The following PCDHGA4 variants were observed in gnomAD, a reference collection of about 807,000 sequenced individuals.
The protein encoded by PCDHGA4 is protocadherin gamma-A4.
Under a neutral mutation model 54.6 loss-of-function variants are expected in PCDHGA4, and 38 were observed. That is an observed-to-expected ratio of 0.70 (90% CI 0.54 to 0.91). The LOEUF is 0.91. PCDHGA4 is among the 40% of genes least tolerant of loss of function. The probability of loss-of-function intolerance (pLI) is 0.00; values close to 1 mark genes in which losing one functional copy is unlikely to be tolerated. For synonymous variants in PCDHGA4, 511 were observed against 512.9 expected (o/e 1.00, Z 0.05); for missense variants, 1,298 against 1,220.9 (o/e 1.06, Z -0.94).
At chr5:141,371,032 C>T (rs547337082) in intron 1 of PCDHGA4, 1 of 1,614,002 alleles carries the variant, frequency 6.2e-7, no homozygotes, top group Admixed American at 1.7e-5. Context: ...CTGGTCCTCA[C>T]AGCTGTGGAT....
intron 1 of PCDHGA4, among the ~76,000 whole-genome samples, chr5:141,482,329 T>C (rs1334833454): frequency 6.6e-6 from 1 of 152,160 alleles, no homozygotes; most frequent in Non-Finnish European, 1.5e-5. Context: ...ATAAAGAGAA[T>C]ATCTACTTTG....
rs771459458 is a variant in PCDHGA4 at position 141,394,997 on chromosome 5, C to A, written c.2514+37376C>A. On this transcript the variant is annotated intron_variant, in intron 1 of 3. Coordinates refer to ENST00000571252, the MANE Select transcript of PCDHGA4 (RefSeq NM_018917.4). The stretch of plus-strand genomic sequence containing the variant: ...ACAAGTCACGCCTGCTCCAGGATTC[C>A]GGTGGCAGATTGGTAGGCGTGCCTG... 4 of 1,614,016 alleles carry A rather than the reference C, an allele frequency of 2.5e-6. No individual in the cohort carries two copies. In the South Asian group the frequency reaches 3.3e-5, roughly 13 times the overall value.
intron 1 of PCDHGA4, chr5:141,442,419 T>TG (rs1214499832): frequency 1.3e-5 from 2 of 152,192 alleles, no homozygotes; most frequent in African/African-American, 4.8e-5. Context: ...AGTGAACTTC[T>TG]TTTTTGAATC....
At chr5:141,409,334 G>A (rs767579166) in intron 1 of PCDHGA4, 1 of 1,613,974 alleles carries the variant, frequency 6.2e-7, no homozygotes, top group South Asian at 1.1e-5. Flanking sequence ...GGATTTCGGA[G>A]GAAATGGAGA....
At chr5:141,442,205 A>G (rs2098308049) in intron 1 of PCDHGA4, 1 of 153,214 alleles carries the variant, frequency 6.5e-6, no homozygotes, top group Admixed American at 6.5e-5. Context: ...ATATCTGGTG[A>G]TTGCCTTAGC....
intron 1 of PCDHGA4, chr5:141,423,820 C>T: frequency 7.9e-7 from 1 of 1,272,642 alleles, no homozygotes. Context: ...TTTTACTTTG[C>T]CTTTCATGAG....
In PCDHGA4 at chr5:141,385,322, A is replaced by C. The variant is rs1781120693; in HGVS notation, c.2514+27701A>C. On this transcript the variant is annotated intron_variant, in intron 1 of 3. Coordinates refer to ENST00000571252, the MANE Select transcript of PCDHGA4 (RefSeq NM_018917.4). ...TGTAAAGAAAACCTGCCAAGTATTC[A>C]GGTGAGCCCAGCCCTTCCTTTATTT... is the stretch of plus-strand genomic sequence containing the variant. The C allele has an allele frequency of 1.9e-6, 3 of 1,606,974 alleles. No homozygotes were observed. In the East Asian group the frequency reaches 6.7e-5, roughly 36 times the overall value.
intron 1 of PCDHGA4, among the ~76,000 whole-genome samples, chr5:141,357,952 G>C (rs1760771820): frequency 6.6e-6 from 1 of 152,188 alleles, no homozygotes; most frequent in Non-Finnish European, 1.5e-5. Flanking sequence ...CACTTTGGGA[G>C]TGTGAGGAGG....
intron 1 of PCDHGA4, among the ~76,000 whole-genome samples, chr5:141,467,047 A>G (rs1271306217): frequency 1.3e-5 from 2 of 149,986 alleles, no homozygotes; most frequent in East Asian, 3.9e-4. Context: ...GTAATGAATC[A>G]ATGTTTTCTT....
chr5:141,430,919 C>T, intron 1 of PCDHGA4: 1 of 1,607,610 alleles, frequency 6.2e-7, no homozygotes, highest in Non-Finnish European at 8.5e-7. Context: ...GGACCTGGGG[C>T]TGGAGCCCCG....
At chr5:141,497,223 T>C (rs921763195) in intron 2 of PCDHGA4, among the ~76,000 whole-genome samples, 1 of 151,762 alleles carries the variant, frequency 6.6e-6, no homozygotes, top group Admixed American at 6.6e-5. Context: ...GGGGGGAAGA[T>C]CAGAGAAGGC....
intron 1 of PCDHGA4, chr5:141,375,334 G>C (rs1417595608): frequency 1.9e-6 from 3 of 1,613,802 alleles, no homozygotes; most frequent in East Asian, 2.2e-5. Context: ...AGGTATTCTT[G>C]TACAACATCA....
chr5:141,399,665 A>T, intron 1 of PCDHGA4: 14 of 1,613,648 alleles, frequency 8.7e-6, no homozygotes, highest in Non-Finnish European at 1.2e-5. Flanking sequence ...GTGTTCGCGC[A>T]GCGCGCCTTT....
At position 141,356,294 on chromosome 5, in the gene PCDHGA4, T is replaced by C. The variant is rs1309324816; in HGVS notation, c.1187T>C (p.Val396Ala). The change falls in exon 1 of 4, where the codon GTA becomes GCA. Residue 396 changes from valine to alanine, a missense_variant. Physicochemically the swap from Val to Ala is moderately conservative, Grantham distance 64. Transcript: ENST00000571252. Reference sequence around the variant, plus strand: ...CAGGAATCTTCTTCCCCGGGTACAGTAATTGCACTTTTCAACGTGCATGAC... The same window carrying C: ...CAGGAATCTTCTTCCCCGGGTACAGCAATTGCACTTTTCAACGTGCATGAC... The part of the protein sequence containing the change: ...SVQESSSPGT[V>A]IALFNVHDSD... The C allele has an allele frequency of 6.4e-7, 1 of 1,554,208 alleles. No individual in the cohort carries two copies. Among genetic ancestry groups the C allele is most frequent in the Non-Finnish European group, 8.7e-7 (1 of 1,148,784 alleles).
In PCDHGA4 at chr5:141,431,779, G is replaced by A; in HGVS notation, c.2515-63028G>A. 2 of 1,614,232 alleles carry A rather than the reference G, an allele frequency of 1.2e-6. No individual in the cohort carries two copies. Among genetic ancestry groups the A allele is most frequent in the Non-Finnish European group, 1.7e-6 (2 of 1,180,030 alleles). ...AAGTCCTGATCACTGTTCTGGACGT[G>A]AACGACAATGCCCCAGAAGTGGTCC... On this transcript the variant is annotated intron_variant, in intron 1 of 3. Transcript: ENST00000571252. This position sits in a 1 kb window ranked among gnomAD's most constrained non-coding sequence, Gnocchi z 4.8.
intron 1 of PCDHGA4, among the ~76,000 whole-genome samples, chr5:141,406,791 C>T (rs893207613): frequency 2.0e-5 from 3 of 152,182 alleles, no homozygotes; most frequent in Non-Finnish European, 4.4e-5. Context: ...TATATTATTT[C>T]TGGCTCAATT....
chr5:141,419,852 G>A, intron 1 of PCDHGA4: 1 of 1,614,066 alleles, frequency 6.2e-7, no homozygotes, highest in Non-Finnish European at 8.5e-7. Flanking sequence ...CCTGGTGTTC[G>A]CAGATAGCTT....
At position 141,410,454 on chromosome 5, in the gene PCDHGA4, C is replaced by T. The variant is rs199849689; in HGVS notation, c.2514+52833C>T. 5,103 of 1,614,034 alleles carry T rather than the reference C, an allele frequency of 3.2e-3. 16 individuals are homozygous for T. Among genetic ancestry groups the T allele is most frequent in the Non-Finnish European group, 4.0e-3 (4,661 of 1,179,898 alleles). On this transcript the variant is annotated intron_variant, in intron 1 of 3. Transcript: ENST00000571252. ...TACAGTGAGGGGACTTTGCCTTATT[C>T]TTATAATCTGTGCATTGCACATACG... is the stretch of plus-strand genomic sequence containing the variant.
intron 1 of PCDHGA4, chr5:141,492,070 GCCGGCT>G (rs1329848558): frequency 2.1e-6 from 1 of 477,826 alleles, no homozygotes; most frequent in Non-Finnish European, 3.7e-6. Context: ...CCTCCTAGGC[GCCGGCT>G]CCGGCACGCT....
Sources: allele counts gnomAD v4.1 joint callset (sites outside exome capture counted in the v4.1 genomes callset), GRCh38; gene constraint gnomAD v4.1.1; non-coding constraint Gnocchi (gnomAD v3.1); transcripts MANE v1.5; gene names NCBI Gene and HGNC (gene_info 2026-07-23, HGNC 2026-07-21).